The following GTSF1 variants were observed in gnomAD, a reference collection of about 807,000 sequenced individuals.
GTSF1 encodes the protein gametocyte-specific factor 1.
GTSF1 carries 11 observed loss-of-function variants against 28.9 expected under a neutral mutation model. The ratio of observed to expected loss-of-function variants is 0.38; its 90% CI spans 0.24 to 0.63. The LOEUF is 0.63. GTSF1 is among the 30% of genes least tolerant of loss of function. The pLI, the probability that GTSF1 is intolerant of heterozygous loss-of-function variation, is 0.56. For synonymous variants in GTSF1, 69 were observed against 65.6 expected (o/e 1.05, Z -0.25); for missense variants, 146 against 201.0 (o/e 0.73, Z 1.66).
intron 8 of GTSF1, among the ~76,000 whole-genome samples, chr12:54,456,602 A>C (rs1202065727): frequency 2.0e-5 from 3 of 152,232 alleles, no homozygotes; most frequent in African/African-American, 7.2e-5. Context: ...TCTAGTAAAA[A>C]GTGGAGTTGT....
chr12:54,468,472 G>A (rs1956551850), intron 2 of GTSF1, among the ~76,000 whole-genome samples: 1 of 152,148 alleles, frequency 6.6e-6, no homozygotes, highest in South Asian at 2.1e-4. Context: ...GCATTGAAGT[G>A]TCTGTGCATT....
chr12:54,459,928 G>A lies in GTSF1; in HGVS notation c.487+449C>T, dbSNP rs922702483. 1.6e-5 allele frequency among the ~76,000 whole-genome samples: 2 copies of A among 125,154 alleles called. 1 individual carries two copies. The highest frequency in any genetic ancestry group is 3.5e-5 in the Non-Finnish European group (2 of 57,834). The allele number at this position is 125,154 out of a possible 152,430, so 82.1% of individuals were successfully genotyped here. The stretch of plus-strand genomic sequence containing the variant: ...TTTTTAGTAGAGACGGGGTTTCACC[G>A]TTTTAGCCGGGATGGTCTCGATCTC... On this transcript the variant is annotated intron_variant, in intron 7 of 8. Coordinates refer to ENST00000305879, the MANE Select transcript of GTSF1 (RefSeq NM_144594.3).
intron 8 of GTSF1, among the ~76,000 whole-genome samples, chr12:54,457,022 T>C (rs1592312964): frequency 6.6e-6 from 1 of 152,034 alleles, no homozygotes; most frequent in South Asian, 2.1e-4. Flanking sequence ...GAGGTGGAGG[T>C]TGCAGTGAGC....
At chr12:54,465,875 C>T (rs1389637375) in intron 2 of GTSF1, among the ~76,000 whole-genome samples, 2 of 152,122 alleles carry the variant, frequency 1.3e-5, no homozygotes, top group Non-Finnish European at 2.9e-5. Context: ...CTTGGTTACT[C>T]TAATTACCTC....
chr12:54,456,766 G>C (rs1314841855), intron 8 of GTSF1, among the ~76,000 whole-genome samples: 1 of 152,154 alleles, frequency 6.6e-6, no homozygotes. Flanking sequence ...AGAAACTAGA[G>C]AATTCTACAA....
intron 6 of GTSF1, 36 bp from the exon 7 acceptor site, chr12:54,460,507 A>G (rs1956404969): frequency 4.9e-6 from 7 of 1,424,196 alleles, no homozygotes; most frequent in Non-Finnish European, 6.9e-6. Context: ...TCGGCAGATC[A>G]GTATCATTCA....
At chr12:54,463,086 CA>C in intron 4 of GTSF1, 84 bp downstream of exon 4, 1 of 1,438,156 alleles carries the variant, frequency 7.0e-7, no homozygotes. Flanking sequence ...CACTGAAAGC[CA>C]AAAATCAAGC....
chr12:54,459,185 CT>C lies in GTSF1; in HGVS notation c.488-61del. On this transcript the variant is annotated intron_variant, in intron 7 of 8. Coordinates refer to ENST00000305879, the MANE Select transcript of GTSF1 (RefSeq NM_144594.3). ...TGTCAATTGAAATTCACTCCATCCCCTATTCTTACTAAACACAAATGACTTA... is the reference window on the plus strand; with the variant it reads ...TGTCAATTGAAATTCACTCCATCCCCATTCTTACTAAACACAAATGACTTA... 5.3e-6 allele frequency: 8 copies of C among 1,522,850 alleles called. No individual in the cohort carries two copies. The South Asian group carries it at 8.2e-5, about 16-fold the overall frequency. The allele number at this position is 1,522,850 out of a possible 1,614,324, so 94.3% of individuals were successfully genotyped here.
At chr12:54,459,392 C>A (rs1290112933) in intron 7 of GTSF1, 1 of 1,385,880 alleles carries the variant, frequency 7.2e-7, no homozygotes, top group East Asian at 3.7e-5. Flanking sequence ...TAAAGTGAAT[C>A]CTCTAGCCAC....
intron 6 of GTSF1, among the ~76,000 whole-genome samples, chr12:54,461,624 C>G (rs1376028737): frequency 6.6e-6 from 1 of 152,240 alleles, no homozygotes; most frequent in East Asian, 1.9e-4. Flanking sequence ...GCCTGGTTGA[C>G]AGAGTCCCTG....
chr12:54,473,110 G>A (rs1290524523), intron 1 of GTSF1, among the ~76,000 whole-genome samples: 1 of 151,952 alleles, frequency 6.6e-6, no homozygotes, highest in Admixed American at 6.6e-5. Flanking sequence ...ACTGTTAACG[G>A]GATTCTTTAC....
intron 1 of GTSF1, chr12:54,471,868 A>AC (rs1565662970): frequency 1.1e-4 from 11 of 97,790 alleles, no homozygotes; most frequent in African/African-American, 3.2e-4. Context: ...AAAACAAAAC[A>AC]ACCCCCCCCC....
At chr12:54,469,687 CAA>C (rs375917825) in intron 2 of GTSF1, among the ~76,000 whole-genome samples, 10 of 57,634 alleles carry the variant, frequency 1.7e-4, no homozygotes, top group Admixed American at 5.7e-4. Context: ...GACTCCTTCT[CAA>C]AAAAAAAAAA....
chr12:54,466,021 C>T (rs1956507961), intron 2 of GTSF1, among the ~76,000 whole-genome samples: 1 of 152,042 alleles, frequency 6.6e-6, no homozygotes, highest in Non-Finnish European at 1.5e-5. Flanking sequence ...GAACAATGTG[C>T]AAAAACAGAA....
At chr12:54,463,821 T>C (rs1324051553) in intron 3 of GTSF1, among the ~76,000 whole-genome samples, 1 of 152,212 alleles carries the variant, frequency 6.6e-6, no homozygotes, top group African/African-American at 2.4e-5. Flanking sequence ...ATTAACACAG[T>C]GATGCTTACT....
At chr12:54,459,016 C>A in intron 8 of GTSF1, 73 bp downstream of exon 8, 2 of 1,038,776 alleles carry the variant, frequency 1.9e-6, no homozygotes, top group South Asian at 1.5e-5. Context: ...GAAAATTGGA[C>A]CCAAATTGCT....
At chr12:54,462,818 C>A in intron 4 of GTSF1, 93 bp from the exon 5 acceptor site, 1 of 928,540 alleles carries the variant, frequency 1.1e-6, no homozygotes, top group Non-Finnish European at 1.7e-6. Flanking sequence ...CAAGGGTAGC[C>A]TGTTGGGTCT....
intron 8 of GTSF1, among the ~76,000 whole-genome samples, chr12:54,458,176 T>C (rs1358163920): frequency 6.6e-6 from 1 of 152,120 alleles, no homozygotes; most frequent in East Asian, 1.9e-4. Flanking sequence ...CTGGGCAACC[T>C]CAGCCAAGAC....
chr12:54,468,399 G>C (rs1054630884), intron 2 of GTSF1, among the ~76,000 whole-genome samples: 30 of 152,178 alleles, frequency 2.0e-4, no homozygotes, highest in African/African-American at 7.2e-4. Context: ...GGGATTACAG[G>C]CATAAGCCAC....
Sources: allele counts gnomAD v4.1 joint callset (sites outside exome capture counted in the v4.1 genomes callset), GRCh38; gene constraint gnomAD v4.1.1; transcripts MANE v1.5; gene names NCBI Gene and HGNC (gene_info 2026-07-23, HGNC 2026-07-21).